WDFY1: variants seen among roughly 807,000 people sequenced by gnomAD.
WDFY1 encodes the protein WD repeat and FYVE domain containing 1, also known as WD repeat and FYVE domain-containing protein 1.
WDFY1 carries 32 observed loss-of-function variants against 56.4 expected under a neutral mutation model. The ratio of observed to expected loss-of-function variants is 0.57; its 90% confidence interval spans 0.43 to 0.76. The LOEUF (loss-of-function observed/expected upper bound fraction) is 0.76. WDFY1 is among the 30% of genes least tolerant of loss of function. WDFY1 has a pLI of 0.00. For missense variants in WDFY1, 480 were observed against 545.7 expected (o/e 0.88, Z 1.20); for synonymous variants, 192 against 197.3 (o/e 0.97, Z 0.23).
At chr2:223,919,111 G>A (rs528545562) in intron 1 of WDFY1, among the ~76,000 whole-genome samples, 4 of 152,326 alleles carry the variant, frequency 2.6e-5, no homozygotes, top group Admixed American at 2.0e-4. Flanking sequence ...CTAGGACACC[G>A]GGGATTCCAC....
chr2:223,889,179 C>G (rs1693226255), intron 8 of WDFY1, among the ~76,000 whole-genome samples: 1 of 152,180 alleles, frequency 6.6e-6, no homozygotes, highest in Non-Finnish European at 1.5e-5. Context: ...GCTGGGATTA[C>G]AGGCATGAAT....
At chr2:223,911,578 A>G (rs1254903563) in intron 3 of WDFY1, among the ~76,000 whole-genome samples, 1 of 51,766 alleles carries the variant, frequency 1.9e-5, no homozygotes, top group African/African-American at 7.6e-5. Flanking sequence ...ACACACACAC[A>G]CACACACACA....
At position 223,878,494 on chromosome 2, in the gene WDFY1, C is replaced by T. The variant is rs1305194856; in HGVS notation, c.*177G>A. ...GGACAGACCTTTTCCATATTAGTCC[C>T]CATGGGTAAGTTCCACAAATGCCCC... On this transcript the variant is annotated 3_prime_UTR_variant, in exon 12 of 12. Coordinates refer to ENST00000233055, the MANE Select transcript of WDFY1 (RefSeq NM_020830.5). 4 of 579,112 alleles carry T rather than the reference C, an allele frequency of 6.9e-6. No individual in the cohort carries two copies. The allele number at this position is 579,112 out of a possible 1,614,324, so 35.9% of individuals were successfully genotyped here.
intron 8 of WDFY1, among the ~76,000 whole-genome samples, chr2:223,885,193 G>GT (rs1693152632): frequency 1.3e-5 from 2 of 149,596 alleles, no homozygotes; most frequent in Admixed American, 6.7e-5. Flanking sequence ...ATTGTGTGTG[G>GT]GGGGGGGTCT....
intron 8 of WDFY1, among the ~76,000 whole-genome samples, chr2:223,890,399 G>C (rs191314016): frequency 6.6e-6 from 1 of 152,156 alleles, no homozygotes; most frequent in Non-Finnish European, 1.5e-5. Context: ...TTGAGCCCAG[G>C]AGGCAGAGGT....
intron 2 of WDFY1, among the ~76,000 whole-genome samples, chr2:223,914,171 AT>A (rs1332782683): frequency 6.6e-6 from 1 of 151,848 alleles, no homozygotes; most frequent in African/African-American, 2.4e-5. Context: ...TAATTCTTGT[AT>A]TTTTAGTATA....
chr2:223,910,976 C>T (rs1156564052), intron 3 of WDFY1, among the ~76,000 whole-genome samples: 1 of 152,102 alleles, frequency 6.6e-6, no homozygotes, highest in Non-Finnish European at 1.5e-5. Context: ...ATTTTCATAG[C>T]AACGTTATTG....
Position 223,901,191 on chromosome 2 carries a change from C to T in WDFY1, c.477G>A (p.Ser159=), listed in dbSNP as rs780426893. The change falls in exon 5 of 12, where the codon TCG becomes TCA. Residue 159 remains serine (S), a synonymous_variant. Coordinates refer to ENST00000233055, the MANE Select transcript of WDFY1 (RefSeq NM_020830.5). Reference sequence around the variant, plus strand: ...GTGGCTCTGAAGGATACTGCAGACACGAAGCCCAGGACGTGAAGAAGTGCC... The same window carrying T: ...GTGGCTCTGAAGGATACTGCAGACATGAAGCCCAGGACGTGAAGAAGTGCC... ...LGRHFFTSWA[S]CLQYDFDTQY... 7 of 1,613,304 alleles carry T rather than the reference C, an allele frequency of 4.3e-6. No individual in the cohort carries two copies. The East Asian group carries it at 8.9e-5, about 21-fold the overall frequency.
At position 223,884,754 on chromosome 2, in the gene WDFY1, G is replaced by A; in HGVS notation, c.832-5C>T. ...ACTTTCCAACCACTGAGGAGCCTGG[G>A]GGAGCAGAAAGTCAAAGCCACCATC... On this transcript the variant is annotated splice_region_variant and splice_polypyrimidine_tract_variant and intron_variant, in intron 8 of 11. Transcript: ENST00000233055. The A allele has an allele frequency of 1.9e-6, 3 of 1,613,874 alleles. No homozygotes were observed. The highest frequency in any genetic ancestry group is 2.5e-6 in the Non-Finnish European group (3 of 1,179,878).
intron 3 of WDFY1, among the ~76,000 whole-genome samples, chr2:223,911,629 C>T (rs1574770998): frequency 1.3e-5 from 2 of 149,698 alleles, no homozygotes; most frequent in South Asian, 2.1e-4. Context: ...GTGACAGAGG[C>T]TCTCCACCAT....
intron 1 of WDFY1, among the ~76,000 whole-genome samples, chr2:223,927,311 A>G (rs932979081): frequency 1.3e-5 from 2 of 152,250 alleles, no homozygotes; most frequent in Non-Finnish European, 2.9e-5. Context: ...TTTGGTCTGC[A>G]TTGAAAATCT....
At chr2:223,912,107 G>T in intron 3 of WDFY1, 146 bp downstream of exon 3, 1 of 815,472 alleles carries the variant, frequency 1.2e-6, no homozygotes, top group Non-Finnish European at 1.9e-6. Context: ...GAGCCACTGT[G>T]CTTGGCCTAA....
chr2:223,925,778 C>T (rs777318031), intron 1 of WDFY1, among the ~76,000 whole-genome samples: 2 of 152,208 alleles, frequency 1.3e-5, no homozygotes, highest in Non-Finnish European at 2.9e-5. Context: ...CAATGTTCAC[C>T]GCATCTTCAT....
chr2:223,884,858 T>TCTA, intron 8 of WDFY1, 109 bp from the exon 9 acceptor site: 1 of 779,354 alleles, frequency 1.3e-6, no homozygotes, highest in Non-Finnish European at 1.8e-6. Context: ...TTTCTTTTCT[T>TCTA]CTTTTTTTTT....
intron 5 of WDFY1, 77 bp from the exon 6 acceptor site, chr2:223,899,147 A>C: frequency 8.3e-7 from 1 of 1,200,642 alleles, no homozygotes; most frequent in Non-Finnish European, 1.2e-6. Flanking sequence ...AGCATTAGTC[A>C]AAGTTAGTTT....
chr2:223,944,118 T>C (rs1559178970), intron 1 of WDFY1, among the ~76,000 whole-genome samples: 1 of 152,146 alleles, frequency 6.6e-6, no homozygotes, highest in Non-Finnish European at 1.5e-5. Context: ...TAAATAAGAG[T>C]TCAGGTGATT....
intron 1 of WDFY1, among the ~76,000 whole-genome samples, chr2:223,943,571 C>T (rs1277391053): frequency 6.6e-6 from 1 of 152,192 alleles, no homozygotes; most frequent in African/African-American, 2.4e-5. Flanking sequence ...TACCTTCCAT[C>T]CTCCAGAAAG....
chr2:223,882,966 T>G (rs1404749499), intron 9 of WDFY1, among the ~76,000 whole-genome samples: 1 of 152,160 alleles, frequency 6.6e-6, no homozygotes, highest in African/African-American at 2.4e-5. Flanking sequence ...TAGGCTCAAG[T>G]GATCCTCCTG....
Position 223,921,117 on chromosome 2 carries a change from T to C in WDFY1, c.138-3107A>G, listed in dbSNP as rs75375851. On this transcript the variant is annotated intron_variant, in intron 1 of 11. Transcript: ENST00000233055. ...AGGGGAACATCAAGGCTCCGGGTGT[T>C]GGTAACCATGGATATATGTATTTGT... Among the ~76,000 whole-genome samples the C allele has an allele frequency of 3.8e-3, 580 of 152,284 alleles. 22 individuals carry two copies. In the East Asian group the frequency reaches 0.093, roughly 25 times the overall value.
Sources: allele counts gnomAD v4.1 joint callset (sites outside exome capture counted in the v4.1 genomes callset), GRCh38; gene constraint gnomAD v4.1.1; transcripts MANE v1.5; gene names NCBI Gene and HGNC (gene_info 2026-07-23, HGNC 2026-07-21).